Variants in DPY19L1 observed in about 807,000 individuals in gnomAD.
The protein encoded by DPY19L1 is protein C-mannosyl-transferase DPY19L1.
In DPY19L1, 35 loss-of-function variants were observed where a neutral mutation model predicts 96.9. The ratio of observed to expected loss-of-function variants is 0.36; its 90% CI spans 0.28 to 0.48. The LOEUF (loss-of-function observed/expected upper bound fraction) is 0.48. Among genes scored for constraint, DPY19L1 ranks in the 20% least tolerant of loss-of-function variants. The pLI is 0.99. For synonymous variants in DPY19L1, 205 were observed against 252.6 expected (o/e 0.81, Z 1.79); for missense variants, 521 against 777.9 (o/e 0.67, Z 3.93).
intron 6 of DPY19L1, 82 bp from the exon 7 acceptor site, chr7:34,990,023 C>T: frequency 9.4e-7 from 1 of 1,068,840 alleles, no homozygotes. Context: ...AATATCATAA[C>T]CACTGGTATT....
chr7:34,983,137 C>T (rs989977466), intron 7 of DPY19L1, among the ~76,000 whole-genome samples: 3 of 152,130 alleles, frequency 2.0e-5, no homozygotes, highest in Admixed American at 6.6e-5. Flanking sequence ...AGTCTCTCTT[C>T]CTAGGTGCTT....
intron 4 of DPY19L1, among the ~76,000 whole-genome samples, chr7:35,011,966 C>A (rs894811042): frequency 6.6e-6 from 1 of 152,196 alleles, no homozygotes; most frequent in African/African-American, 2.4e-5. Context: ...AATGGCTAGA[C>A]AGATCAATAA....
At chr7:35,008,308 G>A (rs996367416) in intron 6 of DPY19L1, among the ~76,000 whole-genome samples, 3 of 152,072 alleles carry the variant, frequency 2.0e-5, no homozygotes, top group African/African-American at 7.2e-5. Context: ...AGTGTGTGTT[G>A]ACTGAACAAC....
chr7:34,983,255 A>G lies in DPY19L1; in HGVS notation c.822+6629T>C, dbSNP rs115209814. Among the ~76,000 whole-genome samples, 448 of 152,308 alleles carry G rather than the reference A, an allele frequency of 2.9e-3. 3 individuals are homozygous for G. The highest frequency in any genetic ancestry group is 0.011 in the African/African-American group (438 of 41,570). On this transcript the variant is annotated intron_variant, in intron 7 of 21. Coordinates refer to ENST00000638088, the MANE Select transcript of DPY19L1 (RefSeq NM_001366673.1). ...TGTCTTCATAAAATAAAAAGCTATG[A>G]GACATGCAAAGTAGCAGGAAAATAT...
intron 6 of DPY19L1, among the ~76,000 whole-genome samples, chr7:34,994,364 A>G (rs1179451535): frequency 2.0e-5 from 3 of 152,142 alleles, no homozygotes; most frequent in Non-Finnish European, 4.4e-5. Flanking sequence ...ACGAAAGATG[A>G]GTTTTTAAAA....
intron 7 of DPY19L1, among the ~76,000 whole-genome samples, chr7:34,980,843 T>C (rs1454619072): frequency 6.6e-6 from 1 of 152,206 alleles, no homozygotes; most frequent in Non-Finnish European, 1.5e-5. Context: ...ACATTGCCAA[T>C]GGGAGTGAAA....
At chr7:34,955,159 A>T (rs1784351254) in intron 12 of DPY19L1, 149 bp downstream of exon 12, 1 of 769,580 alleles carries the variant, frequency 1.3e-6, no homozygotes, top group African/African-American at 1.8e-5. Context: ...AAAAAGGGCA[A>T]TTTGGTACAT....
At chr7:35,016,629 T>C (rs1186549667) in intron 3 of DPY19L1, among the ~76,000 whole-genome samples, 1 of 152,208 alleles carries the variant, frequency 6.6e-6, no homozygotes, top group African/African-American at 2.4e-5. Context: ...GGAATCAGCA[T>C]CACAATACCT....
chr7:34,947,745 C>A, intron 14 of DPY19L1, 44 bp from the exon 15 acceptor site: 2 of 1,487,542 alleles, frequency 1.3e-6, no homozygotes, highest in Non-Finnish European at 1.8e-6. Context: ...ACATTTTAAC[C>A]AAACAAAATT....
At chr7:34,951,860 G>T (rs1041085140) in intron 13 of DPY19L1, among the ~76,000 whole-genome samples, 4 of 151,778 alleles carry the variant, frequency 2.6e-5, no homozygotes, top group African/African-American at 7.3e-5. Flanking sequence ...ATAGTAAGAA[G>T]AATAGGCTAC....
chr7:35,028,132 G>C (rs1371024348), intron 1 of DPY19L1, among the ~76,000 whole-genome samples: 1 of 152,098 alleles, frequency 6.6e-6, no homozygotes, highest in African/African-American at 2.4e-5. Flanking sequence ...GGCAGATATG[G>C]GTCTTATTTT....
chr7:34,954,172 A>G (rs1363233763), intron 13 of DPY19L1, among the ~76,000 whole-genome samples: 2 of 152,210 alleles, frequency 1.3e-5, no homozygotes, highest in Non-Finnish European at 1.5e-5. Context: ...GAGAATCTTT[A>G]AAATTATAAG....
At chr7:34,958,363 T>A (rs577249412) in intron 10 of DPY19L1, among the ~76,000 whole-genome samples, 50 of 152,364 alleles carry the variant, frequency 3.3e-4, no homozygotes, top group African/African-American at 1.1e-3. Context: ...ATTCGTAATA[T>A]GTTTCAGAGA....
At chr7:34,945,823 A>G in intron 15 of DPY19L1, 107 bp from the exon 16 acceptor site, 2 of 747,966 alleles carry the variant, frequency 2.7e-6, no homozygotes, top group Non-Finnish European at 4.5e-6. Flanking sequence ...AAATATAAGT[A>G]TAGAGATAAC....
At chr7:35,002,096 C>T (rs527357700) in intron 6 of DPY19L1, among the ~76,000 whole-genome samples, 18 of 141,036 alleles carry the variant, frequency 1.3e-4, no homozygotes, top group Admixed American at 9.1e-4. Context: ...CATTGCACTC[C>T]AGCCTGGTAA....
intron 15 of DPY19L1, among the ~76,000 whole-genome samples, chr7:34,946,708 C>T (rs1015246870): frequency 5.9e-5 from 9 of 152,150 alleles, no homozygotes; most frequent in African/African-American, 1.7e-4. Flanking sequence ...CATAGCCCAA[C>T]GATAGGGGAA....
chr7:35,022,769 C>T (rs1338935653), intron 1 of DPY19L1, among the ~76,000 whole-genome samples: 1 of 137,780 alleles, frequency 7.3e-6, no homozygotes, highest in Non-Finnish European at 1.7e-5. Context: ...TATTTTGATA[C>T]ACACACACGC....
intron 1 of DPY19L1, among the ~76,000 whole-genome samples, chr7:35,027,371 G>T (rs1006506685): frequency 6.6e-5 from 10 of 152,012 alleles, no homozygotes; most frequent in African/African-American, 2.4e-4. Context: ...TTTTCATTTT[G>T]ATTTTCCTGC....
At chr7:34,947,571 C>T in intron 15 of DPY19L1, 59 bp downstream of exon 15, 1 of 1,455,982 alleles carries the variant, frequency 6.9e-7, no homozygotes, top group Non-Finnish European at 9.5e-7. Flanking sequence ...TATGCGACTA[C>T]TATGTAAAAA....
Sources: gnomAD v4.1 joint callset for allele counts (sites outside exome capture counted in the v4.1 genomes callset) on GRCh38, gnomAD v4.1.1 for gene constraint, MANE v1.5 for transcripts, NCBI Gene and HGNC (gene_info 2026-07-23, HGNC 2026-07-21) for gene names.